EIF2AK3: variants seen among roughly 807,000 people sequenced by gnomAD.
EIF2AK3 encodes the protein eukaryotic translation initiation factor 2-alpha kinase 3.
In EIF2AK3, 50 loss-of-function variants were observed where a neutral mutation model predicts 113.5. That is an observed-to-expected ratio of 0.44 (90% CI 0.35 to 0.56). The LOEUF (loss-of-function observed/expected upper bound fraction) is 0.56. EIF2AK3 is among the 20% of genes least tolerant of loss of function. The pLI is 0.00. For missense variants in EIF2AK3, 1,185 were observed against 1,378.0 expected (o/e 0.86, Z 2.22); for synonymous variants, 448 against 495.4 (o/e 0.90, Z 1.27).
At chr2:88,575,840 A>C (rs1674445055) in intron 12 of EIF2AK3, among the ~76,000 whole-genome samples, 3 of 152,166 alleles carry the variant, frequency 2.0e-5, no homozygotes, top group Admixed American at 2.0e-4. Context: ...TTATTGGTTG[A>C]GTCTATAATA....
chr2:88,558,614 C>G (rs1417205544), intron 16 of EIF2AK3, among the ~76,000 whole-genome samples: 3 of 152,080 alleles, frequency 2.0e-5, no homozygotes, highest in Non-Finnish European at 2.9e-5. Context: ...TGACTTTTTC[C>G]AATTTGAAAA....
intron 13 of EIF2AK3, among the ~76,000 whole-genome samples, chr2:88,573,716 A>C (rs1674377804): frequency 6.6e-6 from 1 of 152,188 alleles, no homozygotes; most frequent in African/African-American, 2.4e-5. Flanking sequence ...AAACTCTTAA[A>C]ATATACCCAA....
intron 10 of EIF2AK3, 179 bp from the exon 11 acceptor site, chr2:88,579,819 A>G: frequency 1.8e-6 from 1 of 567,828 alleles, no homozygotes; most frequent in Non-Finnish European, 3.0e-6. Flanking sequence ...TAAATGAAGC[A>G]AACACATTCT....
chr2:88,610,068 G>A (rs1558662168), intron 2 of EIF2AK3, among the ~76,000 whole-genome samples: 1 of 151,806 alleles, frequency 6.6e-6, no homozygotes, highest in East Asian at 1.9e-4. Flanking sequence ...GCTACTGTGA[G>A]CTATGATCAC....
intron 10 of EIF2AK3, among the ~76,000 whole-genome samples, chr2:88,582,763 T>A (rs1674631439): frequency 6.6e-6 from 1 of 152,188 alleles, no homozygotes; most frequent in African/African-American, 2.4e-5. Context: ...ACCCTAGATA[T>A]TAAGCAGTAT....
intron 1 of EIF2AK3, among the ~76,000 whole-genome samples, chr2:88,625,581 G>A (rs867325877): frequency 2.6e-5 from 4 of 152,070 alleles, no homozygotes; most frequent in African/African-American, 7.2e-5. Flanking sequence ...AGGTCTTCTC[G>A]TTTCATCCGT....
chr2:88,566,573 C>G (rs1674135242), intron 14 of EIF2AK3, among the ~76,000 whole-genome samples: 1 of 152,068 alleles, frequency 6.6e-6, no homozygotes, highest in Non-Finnish European at 1.5e-5. Flanking sequence ...GTCTGTTACA[C>G]AGGTAAACGT....
chr2:88,576,721 T>C lies in EIF2AK3; in HGVS notation c.1887-18A>G, dbSNP rs777149123. On this transcript the variant is annotated intron_variant, in intron 11 of 16. Transcript: ENST00000303236. ...CCAATTCCCTGAAAGAGAGAAAATATTTAAGGTGATGGATATTCCAATTAC... is the reference window on the plus strand; with the variant it reads ...CCAATTCCCTGAAAGAGAGAAAATACTTAAGGTGATGGATATTCCAATTAC... 2 of 1,613,442 alleles carry C rather than the reference T, an allele frequency of 1.2e-6. No individual in the cohort carries two copies. The highest frequency in any genetic ancestry group is 2.2e-5 in the South Asian group (2 of 91,050).
At chr2:88,587,208 A>AAC (rs1168321517) in intron 8 of EIF2AK3, among the ~76,000 whole-genome samples, 21 of 136,408 alleles carry the variant, frequency 1.5e-4, no homozygotes, top group Middle Eastern at 7.4e-3. Context: ...CCATCTCAAA[A>AAC]AAAAAAAAAA....
At chr2:88,592,467 TA>T (rs1674912266) in intron 4 of EIF2AK3, among the ~76,000 whole-genome samples, 1 of 152,130 alleles carries the variant, frequency 6.6e-6, no homozygotes, top group Non-Finnish European at 1.5e-5. Flanking sequence ...GAGATTGCTA[TA>T]AAAAATATCA....
At chr2:88,597,935 T>G (rs1352445430) in intron 2 of EIF2AK3, among the ~76,000 whole-genome samples, 1 of 152,130 alleles carries the variant, frequency 6.6e-6, no homozygotes, top group Admixed American at 6.6e-5. Context: ...CAAATTTTGT[T>G]ATCTAATTTC....
In EIF2AK3 at chr2:88,579,660, T is replaced by C. The variant is rs757433581; in HGVS notation, c.1764-20A>G. 6.2e-7 allele frequency: 1 copy of C among 1,609,396 alleles called. No individual in the cohort carries two copies. Among genetic ancestry groups the C allele is most frequent in the Admixed American group, 1.7e-5 (1 of 59,856 alleles). ...AGATATCTTTAAAAAGAGATAAAAT[T>C]TATAAAGGTTTGCAACAGTTTTAAA... On this transcript the variant is annotated intron_variant, in intron 10 of 16. Coordinates refer to ENST00000303236, the MANE Select transcript of EIF2AK3 (RefSeq NM_004836.7).
intron 1 of EIF2AK3, among the ~76,000 whole-genome samples, chr2:88,621,896 A>ATTTTTT (rs34216518): frequency 2.3e-5 from 3 of 133,292 alleles, no homozygotes; most frequent in Non-Finnish European, 4.7e-5. Flanking sequence ...TTATTCTATA[A>ATTTTTT]TTTTTTTTTT....
chr2:88,624,028 G>C (rs983675624), intron 1 of EIF2AK3, among the ~76,000 whole-genome samples: 1 of 150,554 alleles, frequency 6.6e-6, no homozygotes, highest in African/African-American at 2.5e-5. Context: ...TTTCGCTCTT[G>C]TTGCCCAGGC....
intron 13 of EIF2AK3, 39 bp from the exon 14 acceptor site, chr2:88,571,080 C>CA (rs765362031): frequency 1.2e-6 from 2 of 1,605,992 alleles, no homozygotes; most frequent in Non-Finnish European, 1.7e-6. Context: ...AGTGGGTGTG[C>CA]ATGGAGGCGA....
chr2:88,584,527 GAAA>G (rs66817563), intron 9 of EIF2AK3, among the ~76,000 whole-genome samples: 11 of 73,322 alleles, frequency 1.5e-4, no homozygotes, highest in Non-Finnish European at 2.5e-4. Context: ...CCCTGTCTCT[GAAA>G]AAAAAAAAAA....
chr2:88,593,784 G>T, intron 3 of EIF2AK3: 1 of 490,090 alleles, frequency 2.0e-6, no homozygotes, highest in Non-Finnish European at 2.7e-6. Context: ...TAACAAAAGT[G>T]TTTGGTTTTT....
intron 4 of EIF2AK3, among the ~76,000 whole-genome samples, 199 bp from the exon 5 acceptor site, chr2:88,591,251 C>T (rs1674882470): frequency 6.6e-6 from 1 of 152,166 alleles, no homozygotes; most frequent in Non-Finnish European, 1.5e-5. Context: ...CCTTCAGACA[C>T]AATGGTTTTG....
intron 15 of EIF2AK3, among the ~76,000 whole-genome samples, chr2:88,559,510 C>G (rs1237498019): frequency 7.1e-6 from 1 of 141,330 alleles, no homozygotes; most frequent in Non-Finnish European, 1.5e-5. Context: ...ACCAAGATGA[C>G]TGTGTGTGTG....
Sources: allele counts gnomAD v4.1 joint callset (sites outside exome capture counted in the v4.1 genomes callset), GRCh38; gene constraint gnomAD v4.1.1; transcripts MANE v1.5; gene names NCBI Gene and HGNC (gene_info 2026-07-23, HGNC 2026-07-21).